Variants in METTL15 observed in about 807,000 individuals in gnomAD.
METTL15 encodes 12S rRNA N(4)-cytidine methyltransferase METTL15.
A neutral mutation model predicts 38.3 loss-of-function variants in METTL15; 34 were observed. The observed-to-expected ratio is 0.89, with a 90% CI of 0.68 to 1.18. The LOEUF is 1.18. Ranked by LOEUF, METTL15 falls within the 50% of genes most tolerant of loss-of-function variation. The pLI is 0.00. For missense variants in METTL15, 438 were observed against 498.4 expected, an observed-to-expected ratio of 0.88 and a Z score of 1.15; for synonymous variants, 162 against 170.9, an observed-to-expected ratio of 0.95 and a Z score of 0.41.
chr11:28,143,548 T>C (rs1849772699), intron 3 of METTL15, among the ~76,000 whole-genome samples: 1 of 152,186 alleles, frequency 6.6e-6, no homozygotes, highest in Non-Finnish European at 1.5e-5. Flanking sequence ...TGTACTTTGC[T>C]CTGTACTATT....
chr11:28,424,036 C>T (rs1005236879), intron 5 of METTL15, among the ~76,000 whole-genome samples: 8 of 151,924 alleles, frequency 5.3e-5, no homozygotes, highest in Non-Finnish European at 1.0e-4. Flanking sequence ...AAACAAAAAA[C>T]TTCCATAAAA....
chr11:28,185,331 GTT>G (rs1462406695), intron 3 of METTL15, among the ~76,000 whole-genome samples: 1 of 151,408 alleles, frequency 6.6e-6, no homozygotes, highest in Admixed American at 6.6e-5. Flanking sequence ...TCATTAGACT[GTT>G]TTGGGTTCAA....
chr11:28,260,326 C>T lies in METTL15; in HGVS notation c.408-29880C>T, dbSNP rs556616058. On this transcript the variant is annotated intron_variant, in intron 4 of 6. Coordinates refer to ENST00000407364, the MANE Select transcript of METTL15 (RefSeq NM_001113528.2). ...TTTAGCTAAGGGCTTTTTCTTCATACTGCTGCTGAAATGACCCCTTTTTAT... is the reference window on the plus strand; with the variant it reads ...TTTAGCTAAGGGCTTTTTCTTCATATTGCTGCTGAAATGACCCCTTTTTAT... Among the ~76,000 whole-genome samples the T allele has an allele frequency of 2.6e-5, 4 of 152,290 alleles. No individual in the cohort carries two copies. The East Asian group carries it at 7.7e-4, about 29-fold the overall frequency.
intron 4 of METTL15, among the ~76,000 whole-genome samples, chr11:28,225,475 G>C (rs1590187017): frequency 6.6e-6 from 1 of 151,458 alleles, no homozygotes; most frequent in East Asian, 1.9e-4. Flanking sequence ...AGAATTCGGG[G>C]AATTTTATAG....
At chr11:28,435,260 A>T (rs191522027) in intron 6 of METTL15, among the ~76,000 whole-genome samples, 2 of 152,304 alleles carry the variant, frequency 1.3e-5, no homozygotes, top group East Asian at 3.9e-4. Context: ...CCAAAAAGTT[A>T]TGTACTGGCA....
At chr11:28,202,355 C>T (rs1308683982) in intron 3 of METTL15, among the ~76,000 whole-genome samples, 1 of 152,026 alleles carries the variant, frequency 6.6e-6, no homozygotes, top group Non-Finnish European at 1.5e-5. Flanking sequence ...GTACCCTCCT[C>T]CAGTTTAGTC....
intron 6 of METTL15, among the ~76,000 whole-genome samples, chr11:28,500,611 C>T (rs1851574401): frequency 6.6e-6 from 1 of 152,000 alleles, no homozygotes; most frequent in Admixed American, 6.6e-5. Flanking sequence ...CGGCTCACTG[C>T]AACCCAGGTT....
chr11:28,218,658 C>T (rs190735392), intron 4 of METTL15, among the ~76,000 whole-genome samples: 51 of 152,210 alleles, frequency 3.4e-4, no homozygotes, highest in Non-Finnish European at 6.9e-4. Flanking sequence ...GGAATGCTTC[C>T]AGTTTTTGCA....
intron 6 of METTL15, among the ~76,000 whole-genome samples, chr11:28,442,170 A>G (rs1851040409): frequency 6.6e-6 from 1 of 152,232 alleles, no homozygotes; most frequent in African/African-American, 2.4e-5. Context: ...ACAGTTCCTC[A>G]AGTTACAAGC....
chr11:28,277,970 C>G (rs1855907264), intron 4 of METTL15, among the ~76,000 whole-genome samples: 1 of 152,076 alleles, frequency 6.6e-6, no homozygotes, highest in East Asian at 1.9e-4. Context: ...GGAATAAATT[C>G]AGTGTTTGAT....
chr11:28,291,488 C>A (rs1229489229), intron 5 of METTL15, among the ~76,000 whole-genome samples: 1 of 152,120 alleles, frequency 6.6e-6, no homozygotes, highest in Non-Finnish European at 1.5e-5. Flanking sequence ...CCATGCCCCA[C>A]CACAAACTGC....
intron 3 of METTL15, among the ~76,000 whole-genome samples, chr11:28,186,298 G>A (rs550018175): frequency 2.0e-4 from 30 of 151,352 alleles, no homozygotes; most frequent in Non-Finnish European, 4.2e-4. Context: ...AGAACAGCAA[G>A]TATAGCCAAC....
At chr11:28,268,196 C>CAAAAA (rs71050954) in intron 4 of METTL15, among the ~76,000 whole-genome samples, 16 of 64,084 alleles carry the variant, frequency 2.5e-4, no homozygotes, top group Admixed American at 5.0e-4. Flanking sequence ...GACTCCGTCT[C>CAAAAA]AAAAAAAAAA....
intron 6 of METTL15, among the ~76,000 whole-genome samples, chr11:28,482,698 T>G (rs1001093069): frequency 1.3e-5 from 2 of 152,174 alleles, no homozygotes; most frequent in Non-Finnish European, 2.9e-5. Flanking sequence ...CAGGGCTACA[T>G]GCAAAGTGTG....
intron 3 of METTL15, among the ~76,000 whole-genome samples, chr11:28,183,879 G>T (rs569598333): frequency 1.3e-5 from 2 of 151,884 alleles, no homozygotes; most frequent in East Asian, 1.9e-4. Context: ...CTGTGAATTC[G>T]TCTGGTTCTG....
At chr11:28,375,478 TG>T (rs1850298728) in intron 5 of METTL15, among the ~76,000 whole-genome samples, 1 of 151,860 alleles carries the variant, frequency 6.6e-6, no homozygotes, top group Non-Finnish European at 1.5e-5. Context: ...TATTCTCTGA[TG>T]GTAGTTTGTA....
rs562589361 is a variant in METTL15 at position 28,331,453 on chromosome 11, A to G, written c.*612A>G. ...ATGATATGGGCCATTTTGTTCATCT[A>G]TCGCAAAGTAAAAATGTAAAATCCT... On this transcript the variant is annotated 3_prime_UTR_variant, in exon 7 of 7. Transcript: ENST00000407364. 2.0e-5 allele frequency: 3 copies of G among 152,186 alleles called. No individual in the cohort carries two copies. The highest frequency in any genetic ancestry group is 2.9e-5 in the Non-Finnish European group (2 of 67,968). 9.4% of individuals were successfully genotyped at this position (152,186 alleles called of 1,614,324 possible).
chr11:28,241,705 G>A (rs1473903689), intron 4 of METTL15, among the ~76,000 whole-genome samples: 1 of 152,142 alleles, frequency 6.6e-6, no homozygotes, highest in Non-Finnish European at 1.5e-5. Flanking sequence ...ATGAATCTGA[G>A]AAGATAGCAT....
chr11:28,405,755 A>ATGTAAATC (rs1364482863), intron 5 of METTL15, among the ~76,000 whole-genome samples: 2 of 152,140 alleles, frequency 1.3e-5, no homozygotes, highest in African/African-American at 4.8e-5. Flanking sequence ...TCTGCTGTAG[A>ATGTAAATC]TTTACAAGTC....
Sources: allele counts gnomAD v4.1 joint callset (sites outside exome capture counted in the v4.1 genomes callset), GRCh38; gene constraint gnomAD v4.1.1; transcripts MANE v1.5; gene names NCBI Gene and HGNC (gene_info 2026-07-23, HGNC 2026-07-21).